MYO6: variants seen among roughly 807,000 people sequenced by gnomAD.
MYO6 encodes the protein unconventional myosin-VI.
Under a neutral mutation model 178.7 loss-of-function variants are expected in MYO6, and 74 were observed. The observed-to-expected ratio is 0.41, with a 90% CI of 0.34 to 0.50. The LOEUF is 0.50. Ranked by LOEUF, MYO6 falls within the 20% of genes least tolerant of loss-of-function variation. The pLI is 0.09. For missense variants in MYO6, 1,330 were observed against 1,547.4 expected (o/e 0.86, Z 2.36); for synonymous variants, 477 against 504.6 (o/e 0.95, Z 0.73).
intron 6 of MYO6, 95 bp from the exon 7 acceptor site, chr6:75,835,806 T>A: frequency 4.1e-6 from 3 of 728,666 alleles, no homozygotes; most frequent in Non-Finnish European, 7.5e-6. Flanking sequence ...GTTATAATGA[T>A]GATCTAGGTT....
At chr6:75,800,866 G>C (rs1365100260) in intron 1 of MYO6, among the ~76,000 whole-genome samples, 1 of 152,148 alleles carries the variant, frequency 6.6e-6, no homozygotes. Context: ...AATTACAGGT[G>C]CATGCCACCA....
Position 75,916,942 on chromosome 6 carries a change from T to G in MYO6, c.*1930T>G, listed in dbSNP as rs935513221. ...ATAGTTAATCTTAAGCCATAATGTT[T>G]CTAATCATGTCACACAGCTGTCCTA... On this transcript the variant is annotated 3_prime_UTR_variant, in exon 35 of 35. Coordinates refer to ENST00000369977, the MANE Select transcript of MYO6 (RefSeq NM_004999.4). 4 of 152,232 alleles carry G rather than the reference T, an allele frequency of 2.6e-5. No homozygotes were observed. The highest frequency in any genetic ancestry group is 9.6e-5 in the African/African-American group (4 of 41,462). The allele number at this position is 152,232 out of a possible 1,614,324, so 9.4% of individuals were successfully genotyped here.
Position 75,784,843 on chromosome 6 carries a change from C to T in MYO6, c.-47-32658C>T, listed in dbSNP as rs188266507. On this transcript the variant is annotated intron_variant, in intron 1 of 34. Transcript: ENST00000369977. ...GGAATAAAGTATCAGCTGAAGATTGCGGGGTGTAGCTTTAGTTTGAAACTT... is the reference window on the plus strand; with the variant it reads ...GGAATAAAGTATCAGCTGAAGATTGTGGGGTGTAGCTTTAGTTTGAAACTT... 6.0e-4 allele frequency among the ~76,000 whole-genome samples: 86 copies of T among 142,174 alleles called. 1 individual carries two copies. Among genetic ancestry groups the T allele is most frequent in the Admixed American group, 5.8e-3 (84 of 14,372 alleles). 93.3% of individuals were successfully genotyped at this position (142,174 alleles called of 152,430 possible). A position where few individuals can be genotyped will look rare whatever the true frequency, so the allele number is the denominator to read the frequency against.
At chr6:75,764,859 C>T (rs544779866) in intron 1 of MYO6, among the ~76,000 whole-genome samples, 1 of 151,894 alleles carries the variant, frequency 6.6e-6, no homozygotes, top group East Asian at 2.0e-4. Flanking sequence ...ATTAGCCGGG[C>T]GTGGTGGCAG....
intron 1 of MYO6, among the ~76,000 whole-genome samples, chr6:75,761,054 C>A (rs549098510): frequency 2.0e-5 from 3 of 151,980 alleles, no homozygotes; most frequent in African/African-American, 7.3e-5. Flanking sequence ...GAACAAAGAA[C>A]CTGTGTGTGT....
At chr6:75,914,335 CTCTG>C in intron 34 of MYO6, 54 bp downstream of exon 34, 1 of 1,512,838 alleles carries the variant, frequency 6.6e-7, no homozygotes, top group South Asian at 1.1e-5. Flanking sequence ...ATCATAAACT[CTCTG>C]AATGAAACAT....
At chr6:75,852,512 C>T (rs2150293753) in intron 11 of MYO6, among the ~76,000 whole-genome samples, 1 of 152,244 alleles carries the variant, frequency 6.6e-6, no homozygotes, top group South Asian at 2.1e-4. Flanking sequence ...CTCCTCATTG[C>T]CCACTTCTCT....
chr6:75,909,500 T>G (rs921284689), intron 32 of MYO6, among the ~76,000 whole-genome samples: 2 of 152,212 alleles, frequency 1.3e-5, no homozygotes, highest in Non-Finnish European at 2.9e-5. Flanking sequence ...ATTGGGATCC[T>G]GAACATGGAT....
At chr6:75,893,354 A>G (rs1419589473) in intron 28 of MYO6, among the ~76,000 whole-genome samples, 1 of 152,170 alleles carries the variant, frequency 6.6e-6, no homozygotes, top group Non-Finnish European at 1.5e-5. Flanking sequence ...GGCATTAATT[A>G]TTTTGATTAT....
chr6:75,841,079 C>G (rs750292374), intron 8 of MYO6, 135 bp from the exon 9 acceptor site: 84 of 857,952 alleles, frequency 9.8e-5, no homozygotes, highest in Non-Finnish European at 1.4e-4. Flanking sequence ...TTTGTTTTTT[C>G]CCCTTTATTT....
Position 75,908,320 on chromosome 6 carries a change from A to AT in MYO6, c.3281-173dup. ...CACTGTGTAAAGAAATGATCTGTGA[A>AT]TTTGAACAATAATATTATAAAATGC... is the stretch of plus-strand genomic sequence containing the variant. On this transcript the variant is annotated intron_variant, in intron 31 of 34. Transcript: ENST00000369977. 2.0e-5 allele frequency among the ~76,000 whole-genome samples: 3 copies of AT among 152,308 alleles called. No individual in the cohort carries two copies. In the East Asian group the frequency reaches 5.8e-4, roughly 29 times the overall value.
chr6:75,907,636 G>T lies in MYO6; in HGVS notation c.3208G>T (p.Ala1070Ser), dbSNP rs1193521138. Reference sequence around the variant, plus strand: ...TGCTGTACTAGCCACCAAAGCAGCTGCTGGTACTAAGAAATATGATCTTAG... The same window carrying T: ...TGCTGTACTAGCCACCAAAGCAGCTTCTGGTACTAAGAAATATGATCTTAG... ...GPAVLATKAA[A>S]GTKKYDLSKW... is the part of the protein sequence containing the mutation. The change falls in exon 31 of 35, where the codon GCT becomes TCT. Residue 1070 changes from alanine (A) to serine (S), a missense_variant. Transcript: ENST00000369977. The T allele has an allele frequency of 6.2e-7, 1 of 1,613,760 alleles. No homozygotes were observed. The highest frequency in any genetic ancestry group is 1.7e-5 in the Admixed American group (1 of 60,014).
At chr6:75,757,184 A>C (rs1582975301) in intron 1 of MYO6, among the ~76,000 whole-genome samples, 1 of 147,654 alleles carries the variant, frequency 6.8e-6, no homozygotes, top group African/African-American at 2.5e-5. Flanking sequence ...ACATATATAC[A>C]CACATATATT....
chr6:75,753,455 G>GTGTATATATATATATA (rs370647728), intron 1 of MYO6, among the ~76,000 whole-genome samples: 248 of 140,000 alleles, frequency 1.8e-3, no homozygotes, highest in African/African-American at 6.5e-3. Flanking sequence ...GTGTGTGTGT[G>GTGTATATATATATATA]TATATATATA....
intron 11 of MYO6, among the ~76,000 whole-genome samples, chr6:75,849,571 C>CCTGCAGTGAGTGATGGAGACAGGGA: frequency 6.6e-6 from 1 of 152,078 alleles, no homozygotes; most frequent in Non-Finnish European, 1.5e-5. Flanking sequence ...GTGGTGGCTG[C>CCTGCAGTGAGTGATGGAGACAGGGA]CTGCAGTGAG....
rs1351861425 is a variant in MYO6 at position 75,917,791 on chromosome 6, G to A, written c.*2779G>A. 1 of 152,578 alleles carries A rather than the reference G, an allele frequency of 6.6e-6. No homozygotes were observed. The highest frequency in any genetic ancestry group is 2.4e-5 in the African/African-American group (1 of 41,432). 9.5% of individuals were successfully genotyped at this position (152,578 alleles called of 1,614,324 possible). On this transcript the variant is annotated 3_prime_UTR_variant, in exon 35 of 35. Transcript: ENST00000369977. ...ACAGGCAAGAATAATGGTATTGTTT[G>A]TAGAGCTTTATTAATTGGATATTTT...
intron 8 of MYO6, among the ~76,000 whole-genome samples, 166 bp from the exon 9 acceptor site, chr6:75,841,048 C>T (rs531863014): frequency 6.6e-6 from 1 of 152,312 alleles, no homozygotes; most frequent in East Asian, 1.9e-4. Context: ...ATTATAAATA[C>T]TCTGTGCTTA....
intron 20 of MYO6, among the ~76,000 whole-genome samples, chr6:75,874,997 C>T (rs1274513006): frequency 1.3e-5 from 2 of 152,168 alleles, no homozygotes; most frequent in African/African-American, 2.4e-5. Context: ...CCTGACATGG[C>T]GTATGCCCCT....
chr6:75,854,783 A>G (rs546651370), intron 11 of MYO6, among the ~76,000 whole-genome samples: 3 of 152,228 alleles, frequency 2.0e-5, no homozygotes, highest in African/African-American at 7.2e-5. Context: ...TCTTGAAGTC[A>G]TATGAATTTT....
Sources: gnomAD v4.1 joint callset for allele counts (sites outside exome capture counted in the v4.1 genomes callset) on GRCh38, gnomAD v4.1.1 for gene constraint, MANE v1.5 for transcripts, NCBI Gene and HGNC (gene_info 2026-07-23, HGNC 2026-07-21) for gene names.